Variants in PTPRN2 observed in about 807,000 individuals in gnomAD.
The protein encoded by PTPRN2 is protein tyrosine phosphatase receptor type N2.
PTPRN2 carries 74 observed loss-of-function variants against 118.8 expected under a neutral mutation model. That is an observed-to-expected ratio of 0.62 (90% CI 0.52 to 0.76). The LOEUF is 0.76. PTPRN2 is among the 30% of genes least tolerant of loss of function. The probability of loss-of-function intolerance (pLI) is 0.00; values close to 1 mark genes in which losing one functional copy is unlikely to be tolerated. For synonymous variants in PTPRN2, 641 were observed against 608.0 expected, an observed-to-expected ratio of 1.05 and a Z score of -0.80; for missense variants, 1,481 against 1,394.4, an observed-to-expected ratio of 1.06 and a Z score of -0.99.
chr7:158,431,282 G>T (rs1816152490), intron 2 of PTPRN2, among the ~76,000 whole-genome samples: 1 of 147,754 alleles, frequency 6.8e-6, no homozygotes, highest in African/African-American at 2.5e-5. Context: ...CTCAACACTG[G>T]CTCAAACTGG....
At chr7:158,057,910 A>G (rs1809920081) in intron 11 of PTPRN2, among the ~76,000 whole-genome samples, 1 of 152,196 alleles carries the variant, frequency 6.6e-6, no homozygotes, top group Admixed American at 6.5e-5. Flanking sequence ...CGAATACGAC[A>G]TTATCTTTTT....
At chr7:158,169,080 C>T (rs905593159) in intron 5 of PTPRN2, among the ~76,000 whole-genome samples, 2 of 152,136 alleles carry the variant, frequency 1.3e-5, no homozygotes, top group African/African-American at 4.8e-5. Flanking sequence ...GTGGACACCT[C>T]GGCACTAGCT....
intron 12 of PTPRN2, among the ~76,000 whole-genome samples, chr7:157,767,682 CCTCTGCAGTGTGGTGAGAA>C (rs891450668): frequency 6.6e-6 from 1 of 152,196 alleles, no homozygotes; most frequent in Admixed American, 6.5e-5. Flanking sequence ...TGGTGCTGTG[CCTCTGCAGTGTGGTGAGAA>C]CTGTCTATAC....
rs556023666 is a variant in PTPRN2, at chr7:158,388,598, G to A, written c.164-71666C>T. 5.9e-5 allele frequency among the ~76,000 whole-genome samples: 9 copies of A among 152,300 alleles called. No homozygotes were observed. The South Asian group carries it at 1.0e-3, about 18-fold the overall frequency. On this transcript the variant is annotated intron_variant, in intron 2 of 22. Coordinates refer to ENST00000389418, the MANE Select transcript of PTPRN2 (RefSeq NM_002847.5). ...CACCTCCACGTGTCTGCCAACCTGC[G>A]AGCTCCATGAACCTCTCACTTAGTT...
intron 21 of PTPRN2, among the ~76,000 whole-genome samples, chr7:157,565,822 C>T (rs746983438): frequency 6.6e-6 from 1 of 152,120 alleles, no homozygotes; most frequent in African/African-American, 2.4e-5. Flanking sequence ...GAGGAACAGG[C>T]TACCTAAAAA....
rs1242074715 is a variant in PTPRN2 at position 158,509,726 on chromosome 7, G to A, written c.113-19941C>T. On this transcript the variant is annotated intron_variant, in intron 1 of 22. Transcript: ENST00000389418. This position sits in a 1 kb window ranked among gnomAD's most constrained non-coding sequence, Gnocchi z 4.4. ...GCCCACAGGCAGGTGGCCCAGGGGA[G>A]CAGGGCCTGTCCTTTGCCCAGGCCT... is the stretch of plus-strand genomic sequence containing the variant. Among the ~76,000 whole-genome samples the A allele has an allele frequency of 6.6e-6, 1 of 152,248 alleles. No homozygotes were observed. The highest frequency in any genetic ancestry group is 6.5e-5 in the Admixed American group (1 of 15,292).
intron 2 of PTPRN2, among the ~76,000 whole-genome samples, chr7:158,393,033 C>T (rs1476560492): frequency 6.6e-6 from 1 of 152,134 alleles, no homozygotes; most frequent in Non-Finnish European, 1.5e-5. Context: ...CCCAGCTGCC[C>T]AGGCCCCTGT....
chr7:158,143,537 A>T (rs1239885743), intron 6 of PTPRN2, among the ~76,000 whole-genome samples: 1 of 152,122 alleles, frequency 6.6e-6, no homozygotes, highest in Admixed American at 6.5e-5. Context: ...ATGGAATTTC[A>T]TCGGAGGGAA....
chr7:158,125,947 C>T lies in PTPRN2; in HGVS notation c.1556+7730G>A, dbSNP rs1203286445. On this transcript the variant is annotated intron_variant, in intron 9 of 22. Transcript: ENST00000389418. ...CTCTTCTCGCTGAACCCCTGAGGGGCTCCTGAGCGGTGAGGCCTCCTGGGC... is the reference window on the plus strand; with the variant it reads ...CTCTTCTCGCTGAACCCCTGAGGGGTTCCTGAGCGGTGAGGCCTCCTGGGC... 2.0e-5 allele frequency among the ~76,000 whole-genome samples: 3 copies of T among 152,316 alleles called. 1 individual carries two copies. The highest frequency in any genetic ancestry group is 6.5e-5 in the Admixed American group (1 of 15,300).
rs1801753956 is a variant in PTPRN2 at position 157,964,316 on chromosome 7, G to A, written c.1724-65579C>T. Among the ~76,000 whole-genome samples, 1 of 152,280 alleles carries A rather than the reference G, an allele frequency of 6.6e-6. No homozygotes were observed. Among genetic ancestry groups the A allele is most frequent in the South Asian group, 2.1e-4 (1 of 4,826 alleles). ...GGATCACTGGGGGCGATGTAGAGAT[G>A]TGGAAGCTGGACCCCACCCCCCAGG... On this transcript the variant is annotated intron_variant, in intron 11 of 22. Transcript: ENST00000389418. The surrounding 1 kb of genome is among the most constrained non-coding windows in gnomAD (Gnocchi z 9.0).
chr7:157,719,563 G>A (rs903536248), intron 12 of PTPRN2, among the ~76,000 whole-genome samples: 1 of 152,240 alleles, frequency 6.6e-6, no homozygotes, highest in Non-Finnish European at 1.5e-5. Flanking sequence ...CTTGGCATCC[G>A]GGAGCTCCAG....
At position 158,573,255 on chromosome 7, in the gene PTPRN2, G is replaced by C. The variant is rs183188659; in HGVS notation, c.112+14303C>G. Among the ~76,000 whole-genome samples, 314 of 152,298 alleles carry C rather than the reference G, an allele frequency of 2.1e-3. 4 individuals carry two copies. Among genetic ancestry groups the C allele is most frequent in the Non-Finnish European group, 4.6e-4 (31 of 68,034 alleles). The stretch of plus-strand genomic sequence containing the variant: ...AATTCAAGATGTTCAGAGAAATGGA[G>C]GGGGGATGGGAAAGGGAATCTGCTT... On this transcript the variant is annotated intron_variant, in intron 1 of 22. Transcript: ENST00000389418.
intron 11 of PTPRN2, among the ~76,000 whole-genome samples, chr7:157,968,047 G>C (rs553599790): frequency 1.4e-3 from 218 of 152,296 alleles, no homozygotes; most frequent in Non-Finnish European, 2.5e-3. Flanking sequence ...CTGGGAGCTG[G>C]ATGTTTACCC....
At chr7:157,734,992 A>G (rs1800216492) in intron 12 of PTPRN2, among the ~76,000 whole-genome samples, 1 of 152,240 alleles carries the variant, frequency 6.6e-6, no homozygotes, top group South Asian at 2.1e-4. Flanking sequence ...CAGGAGTCCC[A>G]TCTCCCCAAA....
At position 157,690,976 on chromosome 7, in the gene PTPRN2, G is replaced by T. The variant is rs1797455931; in HGVS notation, c.1789-8039C>A. On this transcript the variant is annotated intron_variant, in intron 12 of 22. Transcript: ENST00000389418. The surrounding 1 kb of genome is among the most constrained non-coding windows in gnomAD (Gnocchi z 7.1). ...CCGCGCGCGTAGCACCAACCAGCGC[G>T]GCCGCCGCGCCCCGCCTTATATCCG... 6.8e-6 allele frequency among the ~76,000 whole-genome samples: 1 copy of T among 146,328 alleles called. No individual in the cohort carries two copies. The highest frequency in any genetic ancestry group is 1.5e-5 in the Non-Finnish European group (1 of 65,744).
intron 5 of PTPRN2, among the ~76,000 whole-genome samples, chr7:158,173,697 T>C (rs1436137068): frequency 1.3e-5 from 2 of 152,176 alleles, no homozygotes; most frequent in Non-Finnish European, 2.9e-5. Flanking sequence ...TCTCTTATCT[T>C]CAACTGCATA....
intron 11 of PTPRN2, among the ~76,000 whole-genome samples, chr7:157,958,157 A>T (rs1455238367): frequency 6.6e-6 from 1 of 152,212 alleles, no homozygotes; most frequent in Admixed American, 6.5e-5. Flanking sequence ...CCATATCATC[A>T]TCTCAACTGA....
rs1284417201 is a variant in PTPRN2, at chr7:158,262,421, CACACAT to C, written c.277+54392_277+54397del. On this transcript the variant is annotated intron_variant, in intron 3 of 22. Transcript: ENST00000389418. ...CTGCACACACACATACATACATTCA[CACACAT>C]ACACACATTCACACACACTGCACAC... is the stretch of plus-strand genomic sequence containing the variant. 7.1e-3 allele frequency among the ~76,000 whole-genome samples: 1,021 copies of C among 144,686 alleles called. 16 individuals are homozygous for C. The highest frequency in any genetic ancestry group is 0.024 in the African/African-American group (934 of 38,340). 94.9% of individuals were successfully genotyped at this position (144,686 alleles called of 152,430 possible). A position where few individuals can be genotyped will look rare whatever the true frequency, so the allele number is the denominator to read the frequency against.
intron 3 of PTPRN2, among the ~76,000 whole-genome samples, chr7:158,281,960 A>C (rs1799456996): frequency 6.6e-6 from 1 of 152,208 alleles, no homozygotes; most frequent in Admixed American, 6.5e-5. Context: ...TCCCAGCTCA[A>C]AGCCCAGCCA....
Sources: gnomAD v4.1 joint callset for allele counts (sites outside exome capture counted in the v4.1 genomes callset) on GRCh38, gnomAD v4.1.1 for gene constraint, Gnocchi (gnomAD v3.1) non-coding constraint, MANE v1.5 for transcripts, NCBI Gene and HGNC (gene_info 2026-07-23, HGNC 2026-07-21) for gene names.